PIP5K1A: variants seen among roughly 807,000 people sequenced by gnomAD.
The protein encoded by PIP5K1A is phosphatidylinositol-4-phosphate 5-kinase type 1 alpha.
A neutral mutation model predicts 72.9 loss-of-function variants in PIP5K1A; 46 were observed. The observed-to-expected ratio is 0.63, with a 90% CI of 0.50 to 0.81. The LOEUF (loss-of-function observed/expected upper bound fraction) is 0.81, where lower values mean the gene tolerates loss of function less well. PIP5K1A is among the 30% of genes least tolerant of loss of function. The pLI, the probability that PIP5K1A is intolerant of heterozygous loss-of-function variation, is 0.00. For missense variants in PIP5K1A, 458 were observed against 706.1 expected (o/e 0.65, Z 3.98); for synonymous variants, 228 against 255.1 (o/e 0.89, Z 1.01).
intron 1 of PIP5K1A, among the ~76,000 whole-genome samples, chr1:151,215,463 T>G (rs1166517022): frequency 6.6e-6 from 1 of 151,978 alleles, no homozygotes; most frequent in Non-Finnish European, 1.5e-5. Context: ...CCTGAGAAGC[T>G]GGGATTACAG....
chr1:151,239,515 C>T (rs957330096), intron 11 of PIP5K1A, among the ~76,000 whole-genome samples: 5 of 151,326 alleles, frequency 3.3e-5, no homozygotes, highest in Admixed American at 6.6e-5. Flanking sequence ...CAAAGTGATC[C>T]GCCTACCTTG....
chr1:151,221,399 C>CTG (rs1395950526), intron 1 of PIP5K1A, among the ~76,000 whole-genome samples: 1 of 152,158 alleles, frequency 6.6e-6, no homozygotes, highest in African/African-American at 2.4e-5. Context: ...AGGACCTTCT[C>CTG]TGTAGCATTT....
At chr1:151,226,509 C>T (rs989767626) in intron 3 of PIP5K1A, among the ~76,000 whole-genome samples, 7 of 148,540 alleles carry the variant, frequency 4.7e-5, no homozygotes, top group Admixed American at 1.3e-4. Flanking sequence ...GTCAGGAGTT[C>T]GAGACTAGCC....
intron 1 of PIP5K1A, among the ~76,000 whole-genome samples, chr1:151,215,380 T>G (rs1687448856): frequency 6.8e-6 from 1 of 146,306 alleles, no homozygotes; most frequent in African/African-American, 2.5e-5. Context: ...TCATCCAGCC[T>G]GGAGTGCAAA....
intron 10 of PIP5K1A, 180 bp downstream of exon 10, chr1:151,238,445 C>T (rs1691194631): frequency 7.0e-6 from 4 of 569,986 alleles, no homozygotes; most frequent in East Asian, 3.0e-5. Flanking sequence ...CTTTCCCCGG[C>T]CTTTATAACC....
intron 10 of PIP5K1A, chr1:151,238,473 C>T: frequency 1.9e-6 from 1 of 538,922 alleles, no homozygotes; most frequent in Non-Finnish European, 3.4e-6. Flanking sequence ...CCCCATCTCC[C>T]CAGACATAAT....
At chr1:151,216,607 C>G (rs1687656861) in intron 1 of PIP5K1A, among the ~76,000 whole-genome samples, 1 of 151,958 alleles carries the variant, frequency 6.6e-6, no homozygotes, top group Admixed American at 6.6e-5. Context: ...TTCAGTAAAC[C>G]AGTCTCAACT....
chr1:151,200,202 G>GT (rs1431120816), intron 1 of PIP5K1A, among the ~76,000 whole-genome samples: 1 of 150,208 alleles, frequency 6.7e-6, no homozygotes, highest in African/African-American at 2.5e-5. Flanking sequence ...GGGGGTGACT[G>GT]TAAGTGTTGT....
upstream of PIP5K1A, chr1:151,197,987 G>A: frequency 6.5e-6 from 3 of 464,326 alleles, no homozygotes; most frequent in Non-Finnish European, 1.3e-5. Context: ...ATAGCCTCCC[G>A]TGCCCTTTTT....
chr1:151,232,710 G>A lies in PIP5K1A; in HGVS notation c.639+7G>A. 2 of 1,612,880 alleles carry A rather than the reference G, an allele frequency of 1.2e-6. No individual in the cohort carries two copies. The highest frequency in any genetic ancestry group is 2.2e-5 in the South Asian group (2 of 90,988). On this transcript the variant is annotated splice_region_variant and intron_variant, in intron 7 of 15. Transcript: ENST00000368888. ...GCTTCCAGGATACTACATGGTAAGG[G>A]AGAGAGAAGCACTGTCCACCTGTGC...
rs200330447 is a variant in PIP5K1A, at chr1:151,242,584, C to T, written c.1640+17C>T. The T allele has an allele frequency of 9.9e-5, 160 of 1,608,224 alleles. 1 individual carries two copies. The highest frequency in any genetic ancestry group is 1.3e-4 in the Non-Finnish European group (153 of 1,175,128). ...AACTACAAGGTTGGTTTATTGGCCC[C>T]TTTCTCCATATAATCTTATCTCTCT... is the stretch of plus-strand genomic sequence containing the variant. On this transcript the variant is annotated intron_variant, in intron 14 of 15. Coordinates refer to ENST00000368888, the MANE Select transcript of PIP5K1A (RefSeq NM_001135638.2).
intron 3 of PIP5K1A, among the ~76,000 whole-genome samples, chr1:151,224,778 T>C (rs1399045390): frequency 6.6e-6 from 1 of 152,192 alleles, no homozygotes; most frequent in African/African-American, 2.4e-5. Context: ...CAGAAGCTGT[T>C]AGTTTCACAA....
chr1:151,196,844 A>T (rs1684592024), upstream of PIP5K1A, among the ~76,000 whole-genome samples: 1 of 143,888 alleles, frequency 6.9e-6, no homozygotes, highest in Non-Finnish European at 1.5e-5. Flanking sequence ...TACAGGCGTG[A>T]GCCACTGCGC....
intron 7 of PIP5K1A, 38 bp downstream of exon 7, chr1:151,232,741 A>G: frequency 1.3e-6 from 2 of 1,584,990 alleles, no homozygotes; most frequent in East Asian, 4.5e-5. Context: ...TGTGCTGCTC[A>G]CTTCTGGGCA....
In PIP5K1A at chr1:151,216,616, C is replaced by T. The variant is rs114996122; in HGVS notation, c.86-7629C>T. The stretch of plus-strand genomic sequence containing the variant: ...TTTTGTTTCAGTAAACCAGTCTCAA[C>T]TCTTTTCCTTTTCTCTTTCTGTTGT... On this transcript the variant is annotated intron_variant, in intron 1 of 15. Transcript: ENST00000368888. 8.5e-3 allele frequency among the ~76,000 whole-genome samples: 1,288 copies of T among 152,132 alleles called. 17 individuals carry two copies. The highest frequency in any genetic ancestry group is 0.029 in the African/African-American group (1,210 of 41,486).
chr1:151,244,157 A>G (rs967037658), intron 14 of PIP5K1A, among the ~76,000 whole-genome samples: 7 of 151,352 alleles, frequency 4.6e-5, no homozygotes, highest in Non-Finnish European at 1.0e-4. Flanking sequence ...GAAAAAAAAA[A>G]AGAAAGAAAC....
intron 3 of PIP5K1A, among the ~76,000 whole-genome samples, chr1:151,225,326 CCT>C (rs1323812825): frequency 2.0e-5 from 3 of 152,082 alleles, no homozygotes; most frequent in Non-Finnish European, 4.4e-5. Context: ...ACTGTGATAC[CCT>C]GTTTCCACTA....
intron 5 of PIP5K1A, 97 bp downstream of exon 5, chr1:151,231,898 T>C (rs1157155023): frequency 9.0e-7 from 1 of 1,109,286 alleles, no homozygotes; most frequent in Non-Finnish European, 1.4e-6. Flanking sequence ...AATTTAGACA[T>C]GTGTCCATTT....
At position 151,248,894 on chromosome 1, in the gene PIP5K1A, T is replaced by C. The variant is rs1476697618; in HGVS notation, c.*1029T>C. 1 of 152,610 alleles carries C rather than the reference T, an allele frequency of 6.6e-6. No individual in the cohort carries two copies. Among genetic ancestry groups the C allele is most frequent in the African/African-American group, 2.4e-5 (1 of 41,446 alleles). The allele number at this position is 152,610 out of a possible 1,614,324, so 9.5% of individuals were successfully genotyped here. A position where few individuals can be genotyped will look rare whatever the true frequency, so the allele number is the denominator to read the frequency against. On this transcript the variant is annotated 3_prime_UTR_variant, in exon 16 of 16. Transcript: ENST00000368888. ...GGTAAAGAGGGGACACTTCTGTCTG[T>C]TTAACAGACAGTCCATATCTGTGAG...
Sources: gnomAD v4.1 joint callset for allele counts (sites outside exome capture counted in the v4.1 genomes callset) on GRCh38, gnomAD v4.1.1 for gene constraint, MANE v1.5 for transcripts, NCBI Gene and HGNC (gene_info 2026-07-23, HGNC 2026-07-21) for gene names.